The following EYA1 variants were observed in gnomAD, a reference collection of about 807,000 sequenced individuals.
EYA1 encodes the protein EYA transcriptional coactivator and phosphatase 1.
In EYA1, 16 loss-of-function variants were observed where a neutral mutation model predicts 82.0. The observed-to-expected ratio is 0.20, with a 90% confidence interval of 0.13 to 0.30. The LOEUF is 0.30. Among genes scored for constraint, EYA1 ranks in the 10% least tolerant of loss-of-function variants. The pLI, the probability that EYA1 is intolerant of heterozygous loss-of-function variation, is 1.00. For synonymous variants in EYA1, 261 were observed against 264.4 expected, an observed-to-expected ratio of 0.99 and a Z score of 0.12; for missense variants, 633 against 730.7, an observed-to-expected ratio of 0.87 and a Z score of 1.54.
At chr8:71,431,300 C>T (rs190322023) in intron 2 of EYA1, among the ~76,000 whole-genome samples, 52 of 152,222 alleles carry the variant, frequency 3.4e-4, no homozygotes, top group Non-Finnish European at 1.0e-4. Flanking sequence ...CTCACATGAC[C>T]TATGGAAAAA....
chr8:71,491,547 C>T (rs1433461429), intron 2 of EYA1, among the ~76,000 whole-genome samples: 1 of 152,104 alleles, frequency 6.6e-6, no homozygotes, highest in Non-Finnish European at 1.5e-5. Context: ...ATCCAATATG[C>T]CTGAATTAAA....
At chr8:71,463,215 G>A (rs1398031998) in intron 2 of EYA1, among the ~76,000 whole-genome samples, 3 of 152,136 alleles carry the variant, frequency 2.0e-5, no homozygotes, top group Non-Finnish European at 4.4e-5. Flanking sequence ...GTATTAGATG[G>A]CACAGAGTTA....
In EYA1 at chr8:71,511,882, C is replaced by T. The variant is rs558829699; in HGVS notation, c.33+23862G>A. On this transcript the variant is annotated intron_variant, in intron 2 of 18. Coordinates refer to the EYA1 transcript ENST00000643681. ...GGGAGAAAAAACAGCAAACTAGGAACCAGAGGCAGGCTTCCGTATGGGTTC... is the reference window on the plus strand; with the variant it reads ...GGGAGAAAAAACAGCAAACTAGGAATCAGAGGCAGGCTTCCGTATGGGTTC... Among the ~76,000 whole-genome samples, 15 of 152,242 alleles carry T rather than the reference C, an allele frequency of 9.9e-5. No individual in the cohort carries two copies. In the South Asian group the frequency reaches 2.9e-3, roughly 29 times the overall value.
intron 4 of EYA1, among the ~76,000 whole-genome samples, chr8:71,323,648 GA>G (rs1370321774): frequency 3.3e-5 from 5 of 152,200 alleles, no homozygotes; most frequent in Non-Finnish European, 7.3e-5. Flanking sequence ...CTGTACTGAA[GA>G]GATGGCAAGC....
chr8:71,245,955 T>C (rs1292491899), intron 11 of EYA1, among the ~76,000 whole-genome samples: 1 of 152,174 alleles, frequency 6.6e-6, no homozygotes, highest in Admixed American at 6.5e-5. Flanking sequence ...AGCCTCTCCC[T>C]ACAAGCCACC....
intron 2 of EYA1, among the ~76,000 whole-genome samples, chr8:71,375,965 A>C (rs1008921168): frequency 1.3e-5 from 2 of 152,182 alleles, no homozygotes; most frequent in Non-Finnish European, 2.9e-5. Flanking sequence ...AATTATGCAC[A>C]TATAATTTTG....
chr8:71,311,172 T>C (rs1420059964), intron 7 of EYA1, among the ~76,000 whole-genome samples: 3 of 152,232 alleles, frequency 2.0e-5, no homozygotes, highest in African/African-American at 7.2e-5. Flanking sequence ...ATCTATATTA[T>C]ATGTGGAGTT....
chr8:71,347,416 G>A (rs1470796908), intron 3 of EYA1, among the ~76,000 whole-genome samples: 5 of 152,086 alleles, frequency 3.3e-5, no homozygotes, highest in Admixed American at 6.6e-5. Flanking sequence ...TCTGCCTCCC[G>A]GGTTCACACC....
At chr8:71,429,566 T>G (rs1379689509) in intron 2 of EYA1, among the ~76,000 whole-genome samples, 1 of 151,974 alleles carries the variant, frequency 6.6e-6, no homozygotes. Flanking sequence ...TTGTCAAAAA[T>G]CACTTACCTA....
chr8:71,472,669 C>T (rs1809301579), intron 2 of EYA1, among the ~76,000 whole-genome samples: 2 of 151,604 alleles, frequency 1.3e-5, no homozygotes, highest in South Asian at 2.1e-4. Context: ...GGGTAACTGC[C>T]AGCCATTGAA....
At chr8:71,353,519 C>A (rs1160866753) in intron 3 of EYA1, among the ~76,000 whole-genome samples, 3 of 152,142 alleles carry the variant, frequency 2.0e-5, no homozygotes, top group Non-Finnish European at 2.9e-5. Flanking sequence ...TACCCATTTT[C>A]ATAAACACTT....
At chr8:71,269,077 C>A (rs1018403468) in intron 11 of EYA1, among the ~76,000 whole-genome samples, 2 of 152,150 alleles carry the variant, frequency 1.3e-5, no homozygotes, top group African/African-American at 4.8e-5. Flanking sequence ...CTTATGAAAT[C>A]ATCAATATGC....
At chr8:71,346,762 C>A (rs2129059093) in intron 3 of EYA1, among the ~76,000 whole-genome samples, 2 of 152,188 alleles carry the variant, frequency 1.3e-5, no homozygotes, top group Middle Eastern at 3.4e-3. Flanking sequence ...CCCATAGCAA[C>A]TATATGAACT....
intron 2 of EYA1, among the ~76,000 whole-genome samples, chr8:71,467,269 A>G (rs1294895102): frequency 1.3e-5 from 2 of 152,158 alleles, no homozygotes; most frequent in Non-Finnish European, 2.9e-5. Context: ...TTCAGGGTCC[A>G]ACATTTTAAA....
At chr8:71,231,770 G>A (rs1019065214) in intron 12 of EYA1, among the ~76,000 whole-genome samples, 14 of 152,108 alleles carry the variant, frequency 9.2e-5, no homozygotes, top group South Asian at 6.2e-4. Context: ...TTATTTTATC[G>A]TTGTTCATTA....
intron 9 of EYA1, among the ~76,000 whole-genome samples, chr8:71,285,768 G>A (rs751313956): frequency 4.6e-5 from 7 of 152,146 alleles, no homozygotes; most frequent in Non-Finnish European, 8.8e-5. Flanking sequence ...TGCTTCCTGA[G>A]CATGTCTGTT....
intron 4 of EYA1, among the ~76,000 whole-genome samples, chr8:71,330,804 C>A (rs1008359806): frequency 2.0e-5 from 3 of 152,064 alleles, no homozygotes; most frequent in Non-Finnish European, 2.9e-5. Context: ...TCCCAGATAG[C>A]CTTCATCCAA....
At chr8:71,269,580 T>C (rs1393543774) in intron 11 of EYA1, among the ~76,000 whole-genome samples, 160 bp downstream of exon 11, 2 of 152,240 alleles carry the variant, frequency 1.3e-5, no homozygotes, top group Admixed American at 1.3e-4. Flanking sequence ...TTTGGCTCTT[T>C]TACATATTTT....
intron 12 of EYA1, among the ~76,000 whole-genome samples, chr8:71,231,814 T>C (rs1811232822): frequency 6.6e-6 from 1 of 152,208 alleles, no homozygotes; most frequent in Non-Finnish European, 1.5e-5. Context: ...TCTCTATCTA[T>C]TGACCTACCT....
Sources: allele counts gnomAD v4.1 joint callset (sites outside exome capture counted in the v4.1 genomes callset), GRCh38; gene constraint gnomAD v4.1.1; transcripts MANE v1.5; gene names NCBI Gene and HGNC (gene_info 2026-07-23, HGNC 2026-07-21).